Variants in ARHGAP28 observed in about 807,000 individuals in gnomAD.
ARHGAP28 encodes the protein rho GTPase-activating protein 28.
In ARHGAP28, 56 loss-of-function variants were observed where a neutral mutation model predicts 90.7. The observed-to-expected ratio is 0.62, with a 90% CI of 0.50 to 0.77. The LOEUF is 0.77. Ranked by LOEUF, ARHGAP28 falls within the 30% of genes least tolerant of loss-of-function variation. The pLI, the probability that ARHGAP28 is intolerant of heterozygous loss-of-function variation, is 0.00. For missense variants in ARHGAP28, 869 were observed against 900.9 expected, an observed-to-expected ratio of 0.96 and a Z score of 0.45; for synonymous variants, 308 against 323.3, an observed-to-expected ratio of 0.95 and a Z score of 0.51.
rs527714375 is a variant in ARHGAP28, at chr18:6,913,287, G to C, written c.*1133G>C. 6.6e-6 allele frequency: 1 copy of C among 152,254 alleles called. No individual in the cohort carries two copies. Among genetic ancestry groups the C allele is most frequent in the East Asian group, 1.9e-4 (1 of 5,178 alleles). 9.4% of individuals were successfully genotyped at this position (152,254 alleles called of 1,614,324 possible). A position where few individuals can be genotyped will look rare whatever the true frequency, so the allele number is the denominator to read the frequency against. On this transcript the variant is annotated 3_prime_UTR_variant, in exon 18 of 18. Coordinates refer to ENST00000383472, the MANE Select transcript of ARHGAP28 (RefSeq NM_001366230.1). ...GACCTGTGATTGCCCAGAACACATAGTCCCCACGTTTCTAATTTGGAGCAA... is the reference window on the plus strand; with the variant it reads ...GACCTGTGATTGCCCAGAACACATACTCCCCACGTTTCTAATTTGGAGCAA...
intron 10 of ARHGAP28, among the ~76,000 whole-genome samples, chr18:6,878,803 C>T (rs1157820404): frequency 6.6e-6 from 1 of 152,132 alleles, no homozygotes; most frequent in Non-Finnish European, 1.5e-5. Context: ...TGAACAGAAA[C>T]CGGGAAACAC....
chr18:6,843,236 A>G (rs2056841288), intron 3 of ARHGAP28, among the ~76,000 whole-genome samples: 1 of 151,810 alleles, frequency 6.6e-6, no homozygotes, highest in South Asian at 2.1e-4. Flanking sequence ...CAACACCCTC[A>G]CTGGGACAGC....
In ARHGAP28 at chr18:6,851,080, A is replaced by G; in HGVS notation, c.590A>G (p.Lys197Arg). 6.2e-7 allele frequency: 1 copy of G among 1,614,158 alleles called. No individual in the cohort carries two copies. The highest frequency in any genetic ancestry group is 8.5e-7 in the Non-Finnish European group (1 of 1,180,014). ...CACACTAATCAGCTGGATGGCACCAAGGAAGAAAGAGAGCTTCCAAGAGTT... is the reference window on the plus strand; with the variant it reads ...CACACTAATCAGCTGGATGGCACCAGGGAAGAAAGAGAGCTTCCAAGAGTT... ...GNHTNQLDGT[K>R]EERELPRVIK... Residue 197 changes from lysine (K) to arginine (R), a missense_variant, in exon 4 of 18, where the codon AAG (lysine) becomes AGG (arginine). Transcript: ENST00000383472.
At chr18:6,890,316 T>C in intron 13 of ARHGAP28, 114 bp from the exon 14 acceptor site, 1 of 766,190 alleles carries the variant, frequency 1.3e-6, no homozygotes, top group Non-Finnish European at 2.1e-6. Context: ...ATGCCACCAT[T>C]CCTGGCTCCA....
chr18:6,887,175 T>A lies in ARHGAP28; in HGVS notation c.1472T>A (p.Val491Glu). 6.2e-7 allele frequency: 1 copy of A among 1,614,132 alleles called. No homozygotes were observed. Among genetic ancestry groups the A allele is most frequent in the South Asian group, 1.1e-5 (1 of 91,086 alleles). Residue 491 changes from valine to glutamate, a missense_variant, in exon 12 of 18, where the codon GTA (valine) becomes GAA (glutamate). By Grantham distance (121) the Val-to-Glu change is moderately radical. Coordinates refer to ENST00000383472, the MANE Select transcript of ARHGAP28 (RefSeq NM_001366230.1). ...SLMERGPHVK[V>E]QFQALHLMVM... The stretch of plus-strand genomic sequence containing the variant: ...TTGTTAGGAGGGCCTCACGTCAAAG[T>A]ACAGTTTCAAGCCTTACACCTCATG...
chr18:6,820,445 A>G (rs1230014547), intron 1 of ARHGAP28, among the ~76,000 whole-genome samples: 1 of 151,064 alleles, frequency 6.6e-6, no homozygotes, highest in Non-Finnish European at 1.5e-5. Context: ...CCTGACAGTC[A>G]TGTTATTGGA....
chr18:6,782,721 A>T (rs1458684000), intron 1 of ARHGAP28, among the ~76,000 whole-genome samples: 4 of 142,106 alleles, frequency 2.8e-5, no homozygotes, highest in Non-Finnish European at 6.0e-5. Flanking sequence ...AAGTGCTGGG[A>T]TTACAGGCGT....
intron 1 of ARHGAP28, among the ~76,000 whole-genome samples, chr18:6,770,053 A>G (rs1424530804): frequency 6.6e-6 from 1 of 152,200 alleles, no homozygotes; most frequent in Non-Finnish European, 1.5e-5. Context: ...GAAATTAGCT[A>G]TCCTTCTATA....
intron 1 of ARHGAP28, among the ~76,000 whole-genome samples, chr18:6,814,266 A>G (rs1416543852): frequency 6.6e-6 from 1 of 152,166 alleles, no homozygotes; most frequent in African/African-American, 2.4e-5. Context: ...AGCCAGTCCC[A>G]CTCAGGGAAA....
chr18:6,778,060 C>T (rs1433963910), intron 1 of ARHGAP28, among the ~76,000 whole-genome samples: 1 of 152,086 alleles, frequency 6.6e-6, no homozygotes, highest in Non-Finnish European at 1.5e-5. Context: ...TTGGTTTTTT[C>T]CAATATTCTC....
chr18:6,892,783 CAG>C (rs1211666952), intron 14 of ARHGAP28, among the ~76,000 whole-genome samples: 1 of 152,196 alleles, frequency 6.6e-6, no homozygotes, highest in African/African-American at 2.4e-5. Flanking sequence ...AATGATTAGA[CAG>C]AGATTCTCTT....
rs190895385 is a variant in ARHGAP28 at position 6,803,814 on chromosome 18, T to C, written c.123-20948T>C. On this transcript the variant is annotated intron_variant, in intron 1 of 17. Coordinates refer to ENST00000383472, the MANE Select transcript of ARHGAP28 (RefSeq NM_001366230.1). ...ATTTTTTTGAGACAGAGTCTCACTCTGTCGCCCAGGCTGGAGTGCAGTGGC... is the reference window on the plus strand; with the variant it reads ...ATTTTTTTGAGACAGAGTCTCACTCCGTCGCCCAGGCTGGAGTGCAGTGGC... Among the ~76,000 whole-genome samples the C allele has an allele frequency of 9.7e-3, 1,473 of 152,272 alleles. 19 individuals are homozygous for C. Among genetic ancestry groups the C allele is most frequent in the African/African-American group, 0.033 (1,366 of 41,576 alleles).
At chr18:6,781,337 G>A (rs1189028933) in intron 1 of ARHGAP28, among the ~76,000 whole-genome samples, 1 of 152,088 alleles carries the variant, frequency 6.6e-6, no homozygotes, top group Admixed American at 6.5e-5. Flanking sequence ...TTGAGCCTTC[G>A]TCCTGTTCCA....
rs146106789 is a variant in ARHGAP28, at chr18:6,739,061, C to T, written c.122+9118C>T. Among the ~76,000 whole-genome samples the T allele has an allele frequency of 6.6e-5, 10 of 152,258 alleles. No individual in the cohort carries two copies. The East Asian group carries it at 1.5e-3, about 23-fold the overall frequency. ...GTTATTCTTTAAAACTGTTTTGTGACACAGGAAGAAACTGAAGCACAGAGA... is the reference window on the plus strand; with the variant it reads ...GTTATTCTTTAAAACTGTTTTGTGATACAGGAAGAAACTGAAGCACAGAGA... On this transcript the variant is annotated intron_variant, in intron 1 of 17. Coordinates refer to ENST00000383472, the MANE Select transcript of ARHGAP28 (RefSeq NM_001366230.1).
At chr18:6,827,752 C>T (rs1355379780) in intron 2 of ARHGAP28, among the ~76,000 whole-genome samples, 5 of 148,510 alleles carry the variant, frequency 3.4e-5, no homozygotes, top group South Asian at 2.2e-4. Flanking sequence ...TCAGATGGGG[C>T]GGTTGCCAGG....
intron 5 of ARHGAP28, among the ~76,000 whole-genome samples, chr18:6,864,870 A>C (rs142141095): frequency 8.1e-4 from 123 of 151,828 alleles, no homozygotes; most frequent in African/African-American, 2.9e-3. Context: ...TTTTAAGTAG[A>C]GATGAGGTCT....
intron 4 of ARHGAP28, among the ~76,000 whole-genome samples, chr18:6,853,490 G>A (rs62082813): frequency 7.2e-6 from 1 of 138,782 alleles, no homozygotes; most frequent in East Asian, 2.1e-4. Flanking sequence ...TTTTTTTTTG[G>A]AGACAGAGTT....
rs139911668 is a variant in ARHGAP28, at chr18:6,768,466, G to A, written c.122+38523G>A. Among the ~76,000 whole-genome samples the A allele has an allele frequency of 8.9e-4, 136 of 152,046 alleles. 2 individuals carry two copies. In the East Asian group the frequency reaches 0.022, roughly 24 times the overall value. On this transcript the variant is annotated intron_variant, in intron 1 of 17. Transcript: ENST00000383472. ...TTTCACTAAAGTGAGAGACTTCTGG[G>A]GTTTTGAGTAAAACCCCAGGTTCTC...
At chr18:6,902,230 A>G (rs927306160) in intron 16 of ARHGAP28, among the ~76,000 whole-genome samples, 15 of 152,328 alleles carry the variant, frequency 9.8e-5, no homozygotes, top group African/African-American at 3.6e-4. Context: ...GATAATCTGA[A>G]TAAAGTATGG....
Sources: allele counts gnomAD v4.1 joint callset (sites outside exome capture counted in the v4.1 genomes callset), GRCh38; gene constraint gnomAD v4.1.1; transcripts MANE v1.5; gene names NCBI Gene and HGNC (gene_info 2026-07-23, HGNC 2026-07-21).